The following HYDIN variants were observed in gnomAD, a reference collection of about 807,000 sequenced individuals.
HYDIN encodes the protein HYDIN axonemal central pair apparatus protein, also known as axonemal central pair apparatus protein HYDIN.
A neutral mutation model predicts 403.9 loss-of-function variants in HYDIN; 132 were observed. The observed-to-expected ratio is 0.33, with a 90% confidence interval of 0.28 to 0.38. The LOEUF (loss-of-function observed/expected upper bound fraction) is 0.38, where lower values mean the gene tolerates loss of function less well. Ranked by LOEUF, HYDIN falls within the 10% of genes least tolerant of loss-of-function variation. The pLI, the probability that HYDIN is intolerant of heterozygous loss-of-function variation, is 1.00. For missense variants in HYDIN, 2,827 were observed against 5,009.5 expected (o/e 0.56, Z 13.15); for synonymous variants, 1,202 against 1,891.7 (o/e 0.64, Z 9.46).
rs1285085746 is a variant in HYDIN at position 70,855,338 on chromosome 16, G to C, written c.12296-63C>G. The C allele has an allele frequency of 3.4e-5, 29 of 849,526 alleles. 1 individual carries two copies. The highest frequency in any genetic ancestry group is 5.0e-5 in the Non-Finnish European group (27 of 545,232). 52.6% of individuals were successfully genotyped at this position (849,526 alleles called of 1,614,324 possible). On this transcript the variant is annotated intron_variant, in intron 72 of 85. Coordinates refer to ENST00000393567, the MANE Select transcript of HYDIN (RefSeq NM_001270974.2). ...GACTGCCTGCTGGAGTCTCTCAGCA[G>C]ACACCGCTTCACAGGCAAGACATTT...
At chr16:71,188,567 A>G (rs2087269542) in intron 1 of HYDIN, among the ~76,000 whole-genome samples, 1 of 152,244 alleles carries the variant, frequency 6.6e-6, no homozygotes, top group South Asian at 2.1e-4. Flanking sequence ...CAAAATGATG[A>G]TGTAACAGTT....
Position 71,031,548 on chromosome 16 carries a change from G to A in HYDIN, c.2768+131C>T, listed in dbSNP as rs542491890. Reference sequence around the variant, plus strand: ...CATACACATCAGGAGGTGGAAGAGTGAGGATGGGAAAGGAGAGGGACTGAG... The same window carrying A: ...CATACACATCAGGAGGTGGAAGAGTAAGGATGGGAAAGGAGAGGGACTGAG... On this transcript the variant is annotated intron_variant, in intron 19 of 85. Coordinates refer to ENST00000393567, the MANE Select transcript of HYDIN (RefSeq NM_001270974.2). 242 of 1,349,524 alleles carry A rather than the reference G, an allele frequency of 1.8e-4. 1 individual carries two copies. In the East Asian group the frequency reaches 6.0e-3, roughly 33 times the overall value. The allele number at this position is 1,349,524 out of a possible 1,614,324, so 83.6% of individuals were successfully genotyped here.
At chr16:71,165,391 CCT>C (rs143632526) in intron 5 of HYDIN, among the ~76,000 whole-genome samples, 1 of 151,884 alleles carries the variant, frequency 6.6e-6, no homozygotes, top group African/African-American at 2.4e-5. Flanking sequence ...CGAGGCCTCC[CCT>C]GACTGCCCTA....
At chr16:71,044,984 G>A (rs1182994735) in intron 18 of HYDIN, among the ~76,000 whole-genome samples, 3 of 151,182 alleles carry the variant, frequency 2.0e-5, no homozygotes, top group Non-Finnish European at 4.4e-5. Flanking sequence ...GATTTGAATT[G>A]AGGGTCTGTT....
At chr16:70,864,152 G>GA (rs2039583014) in intron 67 of HYDIN, among the ~76,000 whole-genome samples, 1 of 151,538 alleles carries the variant, frequency 6.6e-6, no homozygotes, top group Admixed American at 6.6e-5. Flanking sequence ...CCAACATAGT[G>GA]AAACCCTGTC....
At chr16:70,978,637 G>A (rs2078956544) in intron 30 of HYDIN, among the ~76,000 whole-genome samples, 1 of 152,208 alleles carries the variant, frequency 6.6e-6, no homozygotes, top group Admixed American at 6.5e-5. Flanking sequence ...TTGCCCTCAG[G>A]ATGAAGTCCA....
chr16:70,944,026 A>C, intron 41 of HYDIN, 77 bp from the exon 42 acceptor site: 1 of 1,095,760 alleles, frequency 9.1e-7, no homozygotes, highest in Non-Finnish European at 1.3e-6. Flanking sequence ...CAGCCACAGG[A>C]CCTTGGGAAG....
At chr16:70,812,462 T>C (rs1199636403) in intron 84 of HYDIN, among the ~76,000 whole-genome samples, 2 of 152,126 alleles carry the variant, frequency 1.3e-5, no homozygotes, top group African/African-American at 4.8e-5. Context: ...CATTTCAGCC[T>C]GGGTGACAAA....
intron 53 of HYDIN, among the ~76,000 whole-genome samples, chr16:70,898,888 C>T (rs1408959283): frequency 1.3e-5 from 2 of 151,512 alleles, no homozygotes; most frequent in South Asian, 2.1e-4. Context: ...GGGTTACAGG[C>T]GTGCGCCACC....
At chr16:71,187,027 C>A (rs1459695788) in intron 1 of HYDIN, 109 bp from the exon 2 acceptor site, 1 of 638,972 alleles carries the variant, frequency 1.6e-6, no homozygotes, top group South Asian at 2.3e-5. Context: ...AAATACTGAT[C>A]TTCCGAAATC....
chr16:70,955,182 T>C (rs2078194465), intron 40 of HYDIN, among the ~76,000 whole-genome samples, 193 bp downstream of exon 40: 2 of 151,988 alleles, frequency 1.3e-5, no homozygotes, highest in Admixed American at 6.6e-5. Flanking sequence ...CACGCTGGCA[T>C]TGGGCAGGGC....
chr16:70,914,171 C>T (rs2076772455), intron 47 of HYDIN, among the ~76,000 whole-genome samples: 1 of 151,634 alleles, frequency 6.6e-6, no homozygotes, highest in Non-Finnish European at 1.5e-5. Flanking sequence ...CTATTTGTTG[C>T]CTGTGTACCT....
At chr16:71,129,577 T>G (rs1392593400) in intron 9 of HYDIN, 63 bp downstream of exon 9, 1 of 1,471,002 alleles carries the variant, frequency 6.8e-7, no homozygotes, top group African/African-American at 1.4e-5. Context: ...AGCGCTCTTA[T>G]CAAAGCAAGC....
intron 1 of HYDIN, among the ~76,000 whole-genome samples, chr16:71,213,530 G>C (rs2088704816): frequency 1.3e-5 from 2 of 152,048 alleles, no homozygotes. Flanking sequence ...GAATGAGAGT[G>C]ACAATGCCCA....
rs778648741 is a variant in HYDIN, at chr16:70,964,858, G to A, written c.5658C>T (p.Thr1886=). The stretch of plus-strand genomic sequence containing the variant: ...CAGGGTTGCGGGGAGGCAGCAGCAG[G>A]GTGTTGTAGGAATCATAGCCCTTCA... ...RKLKGYDSYN[T]LLLPPRNPGE... is the part of the protein sequence containing the mutation. The change falls in exon 37 of 86, where the codon ACC becomes ACT. Residue 1886 remains threonine, a synonymous_variant. Transcript: ENST00000393567. 85 of 1,613,068 alleles carry A rather than the reference G, an allele frequency of 5.3e-5. No individual in the cohort carries two copies. The highest frequency in any genetic ancestry group is 4.8e-5 in the Non-Finnish European group (57 of 1,179,402).
intron 8 of HYDIN, among the ~76,000 whole-genome samples, chr16:71,136,008 C>T (rs1186329403): frequency 6.6e-6 from 1 of 152,086 alleles, no homozygotes; most frequent in Non-Finnish European, 1.5e-5. Flanking sequence ...TTTGAAGCTT[C>T]CCAGGGCTAA....
At chr16:70,874,794 A>G (rs1208274091) in intron 63 of HYDIN, 23 bp downstream of exon 63, 1 of 1,607,012 alleles carries the variant, frequency 6.2e-7, no homozygotes, top group African/African-American at 1.3e-5. Flanking sequence ...ATTGCCCTCT[A>G]GAAGCACCCT....
intron 71 of HYDIN, among the ~76,000 whole-genome samples, chr16:70,859,174 G>A (rs1361154751): frequency 8.6e-5 from 13 of 152,000 alleles, no homozygotes; most frequent in Admixed American, 5.9e-4. Context: ...GGTGGCGGGC[G>A]CTTGTAGTCC....
chr16:70,950,878 C>CT (rs2143915759), intron 41 of HYDIN, among the ~76,000 whole-genome samples: 1 of 152,316 alleles, frequency 6.6e-6, no homozygotes, highest in South Asian at 2.1e-4. Context: ...CACACCCCCT[C>CT]TCCTCAATGA....
Sources: allele counts gnomAD v4.1 joint callset (sites outside exome capture counted in the v4.1 genomes callset), GRCh38; gene constraint gnomAD v4.1.1; transcripts MANE v1.5; gene names NCBI Gene and HGNC (gene_info 2026-07-23, HGNC 2026-07-21).